The following LMO7 variants were observed in gnomAD, a reference collection of about 807,000 sequenced individuals.
The protein encoded by LMO7 is LIM domain 7.
LMO7 carries 120 observed loss-of-function variants against 206.5 expected under a neutral mutation model. The ratio of observed to expected loss-of-function variants is 0.58; its 90% CI spans 0.50 to 0.68. The LOEUF (loss-of-function observed/expected upper bound fraction) is 0.68, where lower values mean the gene tolerates loss of function less well. LMO7 is among the 30% of genes least tolerant of loss of function. The pLI, the probability that LMO7 is intolerant of heterozygous loss-of-function variation, is 0.00. For synonymous variants in LMO7, 706 were observed against 681.5 expected, an observed-to-expected ratio of 1.04 and a Z score of -0.56; for missense variants, 1,959 against 1,957.9, an observed-to-expected ratio of 1.00 and a Z score of -0.01.
rs2060034777 is a variant in LMO7 at position 75,846,867 on chromosome 13, C to G, written c.4150+1488C>G. 1.3e-5 allele frequency among the ~76,000 whole-genome samples: 2 copies of G among 151,972 alleles called. 1 individual carries two copies. Among genetic ancestry groups the G allele is most frequent in the South Asian group, 4.1e-4 (2 of 4,824 alleles). On this transcript the variant is annotated intron_variant, in intron 26 of 30. Transcript: ENST00000377534. Reference sequence around the variant, plus strand: ...CCAACATAGTGAAACCCCATCTCTACCAAAAATACAAAAATTAGCCAGGCG... The same window carrying G: ...CCAACATAGTGAAACCCCATCTCTAGCAAAAATACAAAAATTAGCCAGGCG...
Position 75,800,901 on chromosome 13 carries a change from G to A in LMO7, c.661+19G>A, listed in dbSNP as rs756739914. On this transcript the variant is annotated intron_variant, in intron 7 of 30. Coordinates refer to ENST00000377534, the MANE Select transcript of LMO7 (RefSeq NM_001306080.2). ...CGTGAAGGTGTGTTGTGTTTTGGCT[G>A]TCAGTTTATTTGTTCACATATTAAG... The A allele has an allele frequency of 1.9e-6, 3 of 1,611,448 alleles. No homozygotes were observed. In the South Asian group the frequency reaches 3.3e-5, roughly 18 times the overall value.
chr13:75,765,824 G>T (rs1181761263), intron 4 of LMO7, among the ~76,000 whole-genome samples: 3 of 152,046 alleles, frequency 2.0e-5, no homozygotes, highest in African/African-American at 7.2e-5. Context: ...AGATAGCCAC[G>T]TTTCTGAATG....
At chr13:75,837,726 C>T (rs2059242369) in intron 19 of LMO7, among the ~76,000 whole-genome samples, 3 of 152,020 alleles carry the variant, frequency 2.0e-5, no homozygotes, top group South Asian at 4.1e-4. Context: ...TTACTTTTCA[C>T]TTCTTATTCA....
chr13:75,812,277 A>G (rs537679547), intron 11 of LMO7, among the ~76,000 whole-genome samples: 129 of 152,362 alleles, frequency 8.5e-4, no homozygotes, highest in African/African-American at 2.9e-3. Flanking sequence ...TGAAAAATCT[A>G]CATCACATTG....
intron 16 of LMO7, 53 bp downstream of exon 16, chr13:75,833,218 T>C: frequency 2.8e-6 from 3 of 1,069,038 alleles, no homozygotes; most frequent in Non-Finnish European, 4.4e-6. Flanking sequence ...CTATCCTTCA[T>C]TGTGGGGTTG....
At position 75,852,366 on chromosome 13, in the gene LMO7, G is replaced by A. The variant is rs144307111; in HGVS notation, c.4365-726G>A. Among the ~76,000 whole-genome samples, 483 of 152,264 alleles carry A rather than the reference G, an allele frequency of 3.2e-3. 2 individuals are homozygous for A. The highest frequency in any genetic ancestry group is 0.011 in the African/African-American group (443 of 41,550). On this transcript the variant is annotated intron_variant, in intron 27 of 30. Coordinates refer to ENST00000377534, the MANE Select transcript of LMO7 (RefSeq NM_001306080.2). ...GGTGGAGTGTGGGAGGTTGAGGATC[G>A]AAAAACTACCTCTCTGGCAGTCCAC...
At chr13:75,757,290 A>G (rs1594762239) in intron 3 of LMO7, among the ~76,000 whole-genome samples, 1 of 152,164 alleles carries the variant, frequency 6.6e-6, no homozygotes, top group African/African-American at 2.4e-5. Flanking sequence ...TGACATCTCA[A>G]TTACAACCTA....
intron 1 of LMO7, among the ~76,000 whole-genome samples, chr13:75,697,756 C>G (rs1197994975): frequency 6.6e-6 from 1 of 152,144 alleles, no homozygotes; most frequent in Non-Finnish European, 1.5e-5. Flanking sequence ...TCAAATGATT[C>G]CAATAAGTGG....
At chr13:75,638,855 A>C (rs895642572) in intron 1 of LMO7, among the ~76,000 whole-genome samples, 5 of 152,148 alleles carry the variant, frequency 3.3e-5, no homozygotes, top group Admixed American at 6.5e-5. Flanking sequence ...TAATCTGAAG[A>C]TAAAAGGTTG....
intron 29 of LMO7, among the ~76,000 whole-genome samples, 187 bp downstream of exon 29, chr13:75,855,555 C>T (rs1260745924): frequency 2.0e-5 from 3 of 152,200 alleles, no homozygotes; most frequent in African/African-American, 7.2e-5. Context: ...TGTTTTAAAA[C>T]TTAAATCTGG....
At chr13:75,746,146 G>A (rs1380475168) in intron 3 of LMO7, among the ~76,000 whole-genome samples, 2 of 151,986 alleles carry the variant, frequency 1.3e-5, no homozygotes, top group Non-Finnish European at 2.9e-5. Flanking sequence ...GGGAATTGAG[G>A]GGCTTTTGCA....
chr13:75,658,108 C>G (rs2038227269), intron 1 of LMO7, among the ~76,000 whole-genome samples: 1 of 151,318 alleles, frequency 6.6e-6, no homozygotes, highest in South Asian at 2.1e-4. Context: ...ATTGAATAAT[C>G]TATTCCTTCC....
chr13:75,623,448 C>T, intron 2 of LMO7: 1 of 586,520 alleles, frequency 1.7e-6, no homozygotes, highest in South Asian at 1.8e-5. Context: ...ACTGCAACCT[C>T]TGCCTCCCGG....
chr13:75,644,733 G>T (rs533474370), intron 1 of LMO7, among the ~76,000 whole-genome samples: 4 of 152,092 alleles, frequency 2.6e-5, no homozygotes, highest in Non-Finnish European at 5.9e-5. Context: ...TGCTCAAGCT[G>T]TCTTCCTGCC....
At chr13:75,681,742 ATATATATG>A (rs1345814332) in intron 1 of LMO7, among the ~76,000 whole-genome samples, 10 of 137,108 alleles carry the variant, frequency 7.3e-5, no homozygotes, top group African/African-American at 2.6e-4. Context: ...ATATATATAT[ATATATATG>A]GAATCTTATT....
intron 3 of LMO7, among the ~76,000 whole-genome samples, chr13:75,737,791 A>AAAAC (rs2046022434): frequency 3.7e-5 from 5 of 133,496 alleles, no homozygotes; most frequent in African/African-American, 1.5e-4. Context: ...ATAAAAAAAA[A>AAAAC]AAAAAAAAAA....
intron 1 of LMO7, among the ~76,000 whole-genome samples, chr13:75,673,122 A>G (rs1038088463): frequency 4.6e-5 from 7 of 152,302 alleles, no homozygotes; most frequent in African/African-American, 1.4e-4. Context: ...ATCTGGAATA[A>G]TTTAAGTGTG....
At chr13:75,819,339 G>C in intron 12 of LMO7, 54 bp from the exon 13 acceptor site, 1 of 1,518,610 alleles carries the variant, frequency 6.6e-7, no homozygotes, top group Non-Finnish European at 8.8e-7. Context: ...CTGTCTGCTA[G>C]AAAGGGTGTA....
chr13:75,722,798 A>G (rs1262867928), intron 2 of LMO7, among the ~76,000 whole-genome samples: 1 of 152,218 alleles, frequency 6.6e-6, no homozygotes, highest in Admixed American at 6.5e-5. Context: ...GATAAAGAAA[A>G]TGTGGTGTAT....
Sources: allele counts gnomAD v4.1 joint callset (sites outside exome capture counted in the v4.1 genomes callset), GRCh38; gene constraint gnomAD v4.1.1; transcripts MANE v1.5; gene names NCBI Gene and HGNC (gene_info 2026-07-23, HGNC 2026-07-21).